JAKMIP1: variants seen among roughly 807,000 people sequenced by gnomAD.
JAKMIP1 encodes janus kinase and microtubule-interacting protein 1.
Under a neutral mutation model 113.0 loss-of-function variants are expected in JAKMIP1, and 33 were observed. That is an observed-to-expected ratio of 0.29 (90% CI 0.22 to 0.39). JAKMIP1 has a LOEUF of 0.39. Among genes scored for constraint, JAKMIP1 ranks in the 10% least tolerant of loss-of-function variants. The pLI is 1.00. For synonymous variants in JAKMIP1, 480 were observed against 459.9 expected (o/e 1.04, Z -0.56); for missense variants, 813 against 1,080.5 (o/e 0.75, Z 3.47).
chr4:6,132,171 G>A (rs917138094), intron 1 of JAKMIP1, among the ~76,000 whole-genome samples: 12 of 152,162 alleles, frequency 7.9e-5, no homozygotes, highest in African/African-American at 2.9e-4. Context: ...GAGACGAAAC[G>A]GGACTCATGA....
rs565287258 is a variant in JAKMIP1 at position 6,179,831 on chromosome 4, T to C, written c.-148+20422A>G. On this transcript the variant is annotated intron_variant, in intron 1 of 20. Transcript: ENST00000409021. This position sits in a 1 kb window ranked among gnomAD's most constrained non-coding sequence, Gnocchi z 4.5. The stretch of plus-strand genomic sequence containing the variant: ...AGCAATATTATCCCCATATGACAGA[T>C]AAGGAAACTGAGGCTCAAAGAGGTG... Among the ~76,000 whole-genome samples the C allele has an allele frequency of 3.9e-5, 6 of 152,336 alleles. No homozygotes were observed. The South Asian group carries it at 8.3e-4, about 21-fold the overall frequency.
At position 6,135,509 on chromosome 4, in the gene JAKMIP1, A is replaced by G. The variant is rs893307886; in HGVS notation, c.-147-22512T>C. 6.6e-6 allele frequency among the ~76,000 whole-genome samples: 1 copy of G among 152,132 alleles called. No homozygotes were observed. Among genetic ancestry groups the G allele is most frequent in the Non-Finnish European group, 1.5e-5 (1 of 68,014 alleles). ...ATCATGGCAGCCCCTGAAGACTGAT[A>G]CAGAGATGCTCCTTGAGCTGCCCGA... On this transcript the variant is annotated intron_variant, in intron 1 of 20. Coordinates refer to ENST00000409021, the MANE Select transcript of JAKMIP1 (RefSeq NM_001099433.2). The surrounding 1 kb of genome is among the most constrained non-coding windows in gnomAD (Gnocchi z 4.9).
intron 12 of JAKMIP1, 27 bp from the exon 13 acceptor site, chr4:6,054,175 C>A (rs369787322): frequency 6.2e-7 from 1 of 1,613,288 alleles, no homozygotes; most frequent in African/African-American, 1.3e-5. Flanking sequence ...TGCGGATTAA[C>A]AGGATGGGTG....
chr4:6,129,724 G>A lies in JAKMIP1; in HGVS notation c.-147-16727C>T, dbSNP rs1718242703. Among the ~76,000 whole-genome samples the A allele has an allele frequency of 6.6e-6, 1 of 152,196 alleles. No homozygotes were observed. The highest frequency in any genetic ancestry group is 2.4e-5 in the African/African-American group (1 of 41,448). On this transcript the variant is annotated intron_variant, in intron 1 of 20. Coordinates refer to ENST00000409021, the MANE Select transcript of JAKMIP1 (RefSeq NM_001099433.2). This position sits in a 1 kb window ranked among gnomAD's most constrained non-coding sequence, Gnocchi z 5.4. Reference sequence around the variant, plus strand: ...TTGTAAATATGACCAAAGAGGTTATGATGAGATTTCTCCATGAAGCACAAC... The same window carrying A: ...TTGTAAATATGACCAAAGAGGTTATAATGAGATTTCTCCATGAAGCACAAC...
In JAKMIP1 at chr4:6,042,297, A is replaced by C; in HGVS notation, c.2029-70T>G. On this transcript the variant is annotated intron_variant, in intron 16 of 20. Coordinates refer to ENST00000409021, the MANE Select transcript of JAKMIP1 (RefSeq NM_001099433.2). This position sits in a 1 kb window ranked among gnomAD's most constrained non-coding sequence, Gnocchi z 5.2. ...AGAACCCAAGGGGCTGTGGAATTTC[A>C]CAGGTGTGTGAATTTCATAGATCGG... The C allele has an allele frequency of 5.9e-5, 74 of 1,260,568 alleles. No homozygotes were observed. The highest frequency in any genetic ancestry group is 8.0e-5 in the Non-Finnish European group (69 of 862,002). 78.1% of individuals were successfully genotyped at this position (1,260,568 alleles called of 1,614,324 possible). A position where few individuals can be genotyped will look rare whatever the true frequency, so the allele number is the denominator to read the frequency against.
intron 19 of JAKMIP1, among the ~76,000 whole-genome samples, chr4:6,030,090 T>C (rs754454725): frequency 1.2e-4 from 19 of 152,190 alleles, no homozygotes; most frequent in Non-Finnish European, 2.2e-4. Flanking sequence ...AATTACACAG[T>C]ACACATTCTT....
intron 1 of JAKMIP1, among the ~76,000 whole-genome samples, chr4:6,170,436 C>CCACCATCACCATAGT: frequency 6.7e-6 from 1 of 148,962 alleles, no homozygotes; most frequent in African/African-American, 2.5e-5. Flanking sequence ...ACCATAGTCA[C>CCACCATCACCATAGT]CACCACCTCC....
chr4:6,070,187 C>G, intron 8 of JAKMIP1: 1 of 398,616 alleles, frequency 2.5e-6, no homozygotes, highest in Non-Finnish European at 4.4e-6. Context: ...GCAGACACAC[C>G]AGCCCCTGTG....
At chr4:6,127,950 C>A (rs559120532) in intron 1 of JAKMIP1, among the ~76,000 whole-genome samples, 7 of 152,212 alleles carry the variant, frequency 4.6e-5, no homozygotes, top group Non-Finnish European at 8.8e-5. Context: ...CTTTAGAGAT[C>A]GGGAAGTTCC....
chr4:6,128,623 C>T lies in JAKMIP1; in HGVS notation c.-147-15626G>A, dbSNP rs891286852. On this transcript the variant is annotated intron_variant, in intron 1 of 20. Coordinates refer to ENST00000409021, the MANE Select transcript of JAKMIP1 (RefSeq NM_001099433.2). ...AAGCCCCAGCCCGGATGAGCAAACA[C>T]GGGAGCCACGTGCCTCCTCCGTCCA... 5.9e-5 allele frequency among the ~76,000 whole-genome samples: 9 copies of T among 152,300 alleles called. 1 individual carries two copies. The South Asian group carries it at 1.7e-3, about 28-fold the overall frequency.
rs890875590 is a variant in JAKMIP1, at chr4:6,143,554, C to G, written c.-147-30557G>C. ...GCCTCTTTCAGTTATGCCTCCAGCCCCTGGATAATATTTTTAAACTTTTCA... is the reference window on the plus strand; with the variant it reads ...GCCTCTTTCAGTTATGCCTCCAGCCGCTGGATAATATTTTTAAACTTTTCA... On this transcript the variant is annotated intron_variant, in intron 1 of 20. Transcript: ENST00000409021. The surrounding 1 kb of genome is among the most constrained non-coding windows in gnomAD (Gnocchi z 4.9). Among the ~76,000 whole-genome samples, 2 of 152,150 alleles carry G rather than the reference C, an allele frequency of 1.3e-5. No individual in the cohort carries two copies. The highest frequency in any genetic ancestry group is 1.3e-4 in the Admixed American group (2 of 15,284).
chr4:6,028,490 C>T (rs569421052), intron 20 of JAKMIP1, among the ~76,000 whole-genome samples: 2 of 152,326 alleles, frequency 1.3e-5, no homozygotes, highest in South Asian at 2.1e-4. Flanking sequence ...GCATCTGAAA[C>T]GGAGGTGGAA....
rs1285020127 is a variant in JAKMIP1 at position 6,086,124 on chromosome 4, C to T, written c.625-495G>A. 6.6e-6 allele frequency among the ~76,000 whole-genome samples: 1 copy of T among 152,128 alleles called. No individual in the cohort carries two copies. The highest frequency in any genetic ancestry group is 1.5e-5 in the Non-Finnish European group (1 of 68,020). On this transcript the variant is annotated intron_variant, in intron 3 of 20. Transcript: ENST00000409021. This position sits in a 1 kb window ranked among gnomAD's most constrained non-coding sequence, Gnocchi z 4.1. ...CCTGGCCACCGAACCCACCGGACAA[C>T]GTTGTCCTCCCGCCCTGACTCCGTC...
In JAKMIP1 at chr4:6,153,987, G is replaced by T. The variant is rs185653993; in HGVS notation, c.-147-40990C>A. On this transcript the variant is annotated intron_variant, in intron 1 of 20. Coordinates refer to ENST00000409021, the MANE Select transcript of JAKMIP1 (RefSeq NM_001099433.2). The surrounding 1 kb of genome is among the most constrained non-coding windows in gnomAD (Gnocchi z 4.9). The stretch of plus-strand genomic sequence containing the variant: ...TCTTACTTGTCACAGAGTCTGCCCA[G>T]GTCTTGTATGCGGCAGATGTTTACT... 6.2e-4 allele frequency among the ~76,000 whole-genome samples: 94 copies of T among 152,300 alleles called. 1 individual carries two copies. The East Asian group carries it at 0.017, about 27-fold the overall frequency.
chr4:6,068,671 C>T (rs1473991852), intron 8 of JAKMIP1, among the ~76,000 whole-genome samples: 1 of 150,706 alleles, frequency 6.6e-6, no homozygotes, highest in Admixed American at 6.6e-5. Flanking sequence ...GATTCTTCTG[C>T]TTCAGCCTCC....
At position 6,040,825 on chromosome 4, in the gene JAKMIP1, A is replaced by C. The variant is rs1375007281; in HGVS notation, c.2098-109T>G. 8 of 807,534 alleles carry C rather than the reference A, an allele frequency of 9.9e-6. No homozygotes were observed. Among genetic ancestry groups the C allele is most frequent in the Non-Finnish European group, 1.5e-5 (7 of 479,512 alleles). 50.0% of individuals were successfully genotyped at this position (807,534 alleles called of 1,614,324 possible). Reference sequence around the variant, plus strand: ...CAGTCTCACCGAATTGGGGGCACTCAGATGAGAAGGGACTTGGTGGTCTTC... The same window carrying C: ...CAGTCTCACCGAATTGGGGGCACTCCGATGAGAAGGGACTTGGTGGTCTTC... On this transcript the variant is annotated intron_variant, in intron 17 of 20. Coordinates refer to ENST00000409021, the MANE Select transcript of JAKMIP1 (RefSeq NM_001099433.2). The surrounding 1 kb of genome is among the most constrained non-coding windows in gnomAD (Gnocchi z 5.8).
chr4:6,066,180 C>A (rs1367026306), intron 8 of JAKMIP1, among the ~76,000 whole-genome samples: 5 of 152,102 alleles, frequency 3.3e-5, no homozygotes, highest in African/African-American at 1.2e-4. Flanking sequence ...CCCAGGCACT[C>A]CCCACATACT....
chr4:6,152,560 C>T (rs1451901087), intron 1 of JAKMIP1, among the ~76,000 whole-genome samples: 3 of 152,116 alleles, frequency 2.0e-5, no homozygotes, highest in Non-Finnish European at 2.9e-5. Context: ...TTATGTGACC[C>T]TTTAACCCCT....
rs1720501500 is a variant in JAKMIP1, at chr4:6,081,286, T to G, written c.1101+323A>C. Among the ~76,000 whole-genome samples the G allele has an allele frequency of 1.3e-5, 2 of 152,208 alleles. No individual in the cohort carries two copies. Among genetic ancestry groups the G allele is most frequent in the Admixed American group, 1.3e-4 (2 of 15,280 alleles). ...TCCCTGTGAGGTCTTTACATGCTGT[T>G]ATTTCATCCTCTTGATGATCCTCCA... On this transcript the variant is annotated intron_variant, in intron 6 of 20. Coordinates refer to ENST00000409021, the MANE Select transcript of JAKMIP1 (RefSeq NM_001099433.2). This position sits in a 1 kb window ranked among gnomAD's most constrained non-coding sequence, Gnocchi z 4.6.
Sources: allele counts gnomAD v4.1 joint callset (sites outside exome capture counted in the v4.1 genomes callset), GRCh38; gene constraint gnomAD v4.1.1; non-coding constraint Gnocchi (gnomAD v3.1); transcripts MANE v1.5; gene names NCBI Gene and HGNC (gene_info 2026-07-23, HGNC 2026-07-21).